KIAA1755: variants seen among roughly 807,000 people sequenced by gnomAD.
The protein encoded by KIAA1755 is uncharacterized protein KIAA1755.
In KIAA1755, 68 loss-of-function variants were observed where a neutral mutation model predicts 91.7. The observed-to-expected ratio is 0.74, with a 90% CI of 0.61 to 0.91. The LOEUF (loss-of-function observed/expected upper bound fraction) is 0.91. Among genes scored for constraint, KIAA1755 ranks in the 40% least tolerant of loss-of-function variants. KIAA1755 has a pLI of 0.00. For missense variants in KIAA1755, 1,535 were observed against 1,494.4 expected, an observed-to-expected ratio of 1.03 and a Z score of -0.45; for synonymous variants, 610 against 604.6, an observed-to-expected ratio of 1.01 and a Z score of -0.13.
chr20:38,250,426 C>T (rs1250716669), intron 1 of KIAA1755, among the ~76,000 whole-genome samples: 8 of 151,450 alleles, frequency 5.3e-5, no homozygotes, highest in Non-Finnish European at 8.8e-5. Context: ...AGTAGGTGCT[C>T]ATTAAGTAAG....
chr20:38,231,132 T>G (rs1402572887), intron 5 of KIAA1755, 70 bp downstream of exon 5: 2 of 1,491,488 alleles, frequency 1.3e-6, no homozygotes. Context: ...CCACTCAGTG[T>G]CTGGTCCAGG....
chr20:38,223,748 G>C lies in KIAA1755; in HGVS notation c.2170-112C>G, dbSNP rs1045329890. 26 of 721,616 alleles carry C rather than the reference G, an allele frequency of 3.6e-5. No homozygotes were observed. In the African/African-American group the frequency reaches 4.8e-4, roughly 13 times the overall value. 44.7% of individuals were successfully genotyped at this position (721,616 alleles called of 1,614,324 possible). Reference sequence around the variant, plus strand: ...GGGAGGCAGTGGCTCTCCAACTCCAGGTGCATCAGAAGCATCTGGAGAGCT... The same window carrying C: ...GGGAGGCAGTGGCTCTCCAACTCCACGTGCATCAGAAGCATCTGGAGAGCT... On this transcript the variant is annotated intron_variant, in intron 8 of 13. Coordinates refer to ENST00000279024, the MANE Select transcript of KIAA1755 (RefSeq NM_001029864.2).
At chr20:38,245,835 G>A in intron 2 of KIAA1755, 94 bp downstream of exon 2, 5 of 1,209,264 alleles carry the variant, frequency 4.1e-6, no homozygotes, top group Non-Finnish European at 6.0e-6. Flanking sequence ...CGTGAAACAA[G>A]ACACAGGCCA....
chr20:38,246,646 AG>A (rs2076166249), intron 1 of KIAA1755, among the ~76,000 whole-genome samples: 1 of 152,104 alleles, frequency 6.6e-6, no homozygotes, highest in Non-Finnish European at 1.5e-5. Flanking sequence ...TTTGCCACTG[AG>A]CTTTGGGGTC....
chr20:38,217,221 G>A (rs2075561257), intron 13 of KIAA1755, 32 bp downstream of exon 13: 1 of 1,549,790 alleles, frequency 6.5e-7, no homozygotes, highest in Non-Finnish European at 8.7e-7. Flanking sequence ...GGGGATCGGG[G>A]GGTATCTGTG....
chr20:38,236,820 T>C (rs1321451139), intron 4 of KIAA1755: 1 of 151,978 alleles, frequency 6.6e-6, no homozygotes, highest in Non-Finnish European at 1.5e-5. Context: ...TTGTGGAGTT[T>C]TAATGTAAAA....
chr20:38,248,193 C>A (rs913678076), intron 1 of KIAA1755, among the ~76,000 whole-genome samples: 15 of 152,180 alleles, frequency 9.9e-5, no homozygotes, highest in Non-Finnish European at 2.1e-4. Flanking sequence ...GGCGCCACTG[C>A]ACTCCAGCCT....
chr20:38,219,705 G>A lies in KIAA1755; in HGVS notation c.2481C>T (p.Val827=), dbSNP rs1374606287. 1 of 1,614,178 alleles carries A rather than the reference G, an allele frequency of 6.2e-7. No homozygotes were observed. The highest frequency in any genetic ancestry group is 1.1e-5 in the South Asian group (1 of 91,082). Residue 827 remains valine (V), a synonymous_variant, in exon 11 of 14, where the codon GTC becomes GTT. Coordinates refer to ENST00000279024, the MANE Select transcript of KIAA1755 (RefSeq NM_001029864.2). ...TCCCCAGGAGGCTGTTGGAAGCGGT[G>A]ACCAGAACATGAAGCTGCTCGTCCA... ...SLVDEQLHVL[V]TASNSLLGKL...
chr20:38,213,930 A>C (rs1950165865), intron 13 of KIAA1755, among the ~76,000 whole-genome samples, 187 bp from the exon 14 acceptor site: 1 of 150,368 alleles, frequency 6.7e-6, no homozygotes, highest in Non-Finnish European at 1.5e-5. Flanking sequence ...AACAGCCCCC[A>C]AGCACCCTTA....
rs776686248 is a variant in KIAA1755, at chr20:38,227,155, T to G, written c.2051A>C (p.Gln684Pro). 2 of 1,612,740 alleles carry G rather than the reference T, an allele frequency of 1.2e-6. No individual in the cohort carries two copies. Among genetic ancestry groups the G allele is most frequent in the Non-Finnish European group, 8.5e-7 (1 of 1,179,042 alleles). Residue 684 changes from glutamine (Q) to proline (P), a missense_variant and splice_region_variant, in exon 7 of 14, where the codon CAG becomes CCG. By Grantham distance (76) the Gln-to-Pro change is moderately conservative (BLOSUM62 -1). Transcript: ENST00000279024. Reference protein sequence around the residue: ...ALQLQTLPDVQVEVLTSLKAL... With the variant: ...ALQLQTLPDVPVEVLTSLKAL... Reference sequence around the variant, plus strand: ...CCGCCGACCCTGAGTCCCCCTCACCTGGACGTCAGGTAATGTCTGCAGCTG... The same window carrying G: ...CCGCCGACCCTGAGTCCCCCTCACCGGGACGTCAGGTAATGTCTGCAGCTG...
At chr20:38,221,330 G>A (rs2075655322) in intron 10 of KIAA1755, among the ~76,000 whole-genome samples, 1 of 152,194 alleles carries the variant, frequency 6.6e-6, no homozygotes, top group African/African-American at 2.4e-5. Flanking sequence ...GACAGGAGGG[G>A]CCTGGGCTGG....
Position 38,225,722 on chromosome 20 carries a change from G to A in KIAA1755, c.2112C>T (p.Pro704=), listed in dbSNP as rs368266442. The A allele has an allele frequency of 2.8e-5, 45 of 1,610,432 alleles. No individual in the cohort carries two copies. Among genetic ancestry groups the A allele is most frequent in the East Asian group, 8.9e-5 (4 of 44,832 alleles). ...AGGGGAAGGGGCCTTCCAGGACTGC[G>A]GGCAGCTGGCTGGGGTCCACATGGT... ...LSHHVDPSQL[P]AVLEGPFPYC... is the part of the protein sequence containing the mutation. Residue 704 remains proline (P), a synonymous_variant, in exon 8 of 14, where the codon CCC becomes CCT. Transcript: ENST00000279024.
intron 1 of KIAA1755, among the ~76,000 whole-genome samples, chr20:38,249,739 G>A (rs971227767): frequency 9.3e-5 from 11 of 118,640 alleles, no homozygotes; most frequent in Non-Finnish European, 1.9e-4. Flanking sequence ...GGAGGGAGGG[G>A]CCTTCAACTT....
chr20:38,216,982 C>G (rs193062833), intron 13 of KIAA1755: 4 of 669,154 alleles, frequency 6.0e-6, no homozygotes, highest in South Asian at 4.6e-5. Flanking sequence ...CTTCCCCTTC[C>G]TCTGTTTTTT....
chr20:38,242,586 T>C (rs2076088335), intron 2 of KIAA1755, among the ~76,000 whole-genome samples: 1 of 152,260 alleles, frequency 6.6e-6, no homozygotes, highest in Non-Finnish European at 1.5e-5. Context: ...ACAGAGCACT[T>C]ACATCAGCCT....
Position 38,222,555 on chromosome 20 carries a change from C to G in KIAA1755, c.2311G>C (p.Ala771Pro), listed in dbSNP as rs1489085161. 3 of 1,613,342 alleles carry G rather than the reference C, an allele frequency of 1.9e-6. No individual in the cohort carries two copies. The highest frequency in any genetic ancestry group is 2.5e-6 in the Non-Finnish European group (3 of 1,180,022). ...AGTAGGCCGGGGTCCCTCAGCACAG[C>G]CTCCATCAGCTCCTTGGACTTGCTC... The part of the protein sequence containing the change: ...CLSKSKELME[A>P]VLRDPGLLGL... Residue 771 changes from alanine (A) to proline (P), a missense_variant, in exon 10 of 14, where the codon GCT becomes CCT. Transcript: ENST00000279024.
At chr20:38,239,832 TG>T in intron 3 of KIAA1755, 107 bp from the exon 4 acceptor site, 2 of 1,038,512 alleles carry the variant, frequency 1.9e-6, no homozygotes, top group Non-Finnish European at 2.9e-6. Flanking sequence ...TTACAACTAT[TG>T]ATCTCTCCCA....
rs982741688 is a variant in KIAA1755 at position 38,223,395 on chromosome 20, C to A, written c.2268+143G>T. 30 of 584,138 alleles carry A rather than the reference C, an allele frequency of 5.1e-5. 1 individual carries two copies. The highest frequency in any genetic ancestry group is 5.7e-6 in the Non-Finnish European group (2 of 352,078). 36.2% of individuals were successfully genotyped at this position (584,138 alleles called of 1,614,324 possible). On this transcript the variant is annotated intron_variant, in intron 9 of 13. Coordinates refer to ENST00000279024, the MANE Select transcript of KIAA1755 (RefSeq NM_001029864.2). Reference sequence around the variant, plus strand: ...CCAGTGCAGGGTACAAAGTGGGTGCCCCTCAAATATGAGTCAAATGAATGA... The same window carrying A: ...CCAGTGCAGGGTACAAAGTGGGTGCACCTCAAATATGAGTCAAATGAATGA...
chr20:38,252,448 A>G (rs996093730), intron 1 of KIAA1755, among the ~76,000 whole-genome samples: 1 of 152,112 alleles, frequency 6.6e-6, no homozygotes, highest in Non-Finnish European at 1.5e-5. Context: ...CCAAGTAGGA[A>G]TGACCCGTTT....
Sources: allele counts gnomAD v4.1 joint callset (sites outside exome capture counted in the v4.1 genomes callset), GRCh38; gene constraint gnomAD v4.1.1; transcripts MANE v1.5; gene names NCBI Gene and HGNC (gene_info 2026-07-23, HGNC 2026-07-21).